COQ5: variants seen among roughly 807,000 people sequenced by gnomAD.
COQ5 encodes the protein coenzyme Q5, methyltransferase.
Under a neutral mutation model 40.5 loss-of-function variants are expected in COQ5, and 27 were observed. The ratio of observed to expected loss-of-function variants is 0.67; its 90% CI spans 0.49 to 0.92. The LOEUF (loss-of-function observed/expected upper bound fraction) is 0.92, where lower values mean the gene tolerates loss of function less well. COQ5 is among the 40% of genes least tolerant of loss of function. The pLI is 0.00. For missense variants in COQ5, 409 were observed against 406.4 expected (o/e 1.01, Z -0.06); for synonymous variants, 141 against 150.0 (o/e 0.94, Z 0.44).
In COQ5 at chr12:120,516,679, C is replaced by T. The variant is rs1869386184; in HGVS notation, c.462G>A (p.Glu154=). Residue 154 remains glutamate, a synonymous_variant, in exon 3 of 7, where the codon GAG becomes GAA. Transcript: ENST00000288532. ...CCAAGGAATCTTCTTCATTCTGGTA[C>T]TCTTTGGCAATTTCTTCCCAGGATA... is the stretch of plus-strand genomic sequence containing the variant. ...QNLSWEEIAK[E]YQNEEDSLGG... 1 of 1,614,164 alleles carries T rather than the reference C, an allele frequency of 6.2e-7. No individual in the cohort carries two copies. The highest frequency in any genetic ancestry group is 8.5e-7 in the Non-Finnish European group (1 of 1,180,010).
chr12:120,504,821 G>T, intron 5 of COQ5, 74 bp downstream of exon 5: 1 of 1,245,982 alleles, frequency 8.0e-7, no homozygotes, highest in Non-Finnish European at 1.2e-6. Flanking sequence ...TAGCTTACTG[G>T]CTATTTTCAA....
intron 3 of COQ5, among the ~76,000 whole-genome samples, chr12:120,513,246 G>A (rs889005081): frequency 6.8e-6 from 1 of 147,936 alleles, no homozygotes; most frequent in Non-Finnish European, 1.5e-5. Flanking sequence ...GCTCACACCT[G>A]TAATCCCAGC....
At chr12:120,528,846 G>T in intron 1 of COQ5, 94 bp downstream of exon 1, 2 of 1,143,218 alleles carry the variant, frequency 1.7e-6, no homozygotes, top group Non-Finnish European at 2.7e-6. Flanking sequence ...AACAACACTG[G>T]AACTAATTGG....
At chr12:120,527,961 T>C (rs932289442) in intron 1 of COQ5, among the ~76,000 whole-genome samples, 1 of 112,450 alleles carries the variant, frequency 8.9e-6, no homozygotes, top group Non-Finnish European at 1.7e-5. Context: ...CCTTCCAGCC[T>C]GGGGGTGACA....
Position 120,523,126 on chromosome 12 carries a change from C to T in COQ5, c.203-763G>A, listed in dbSNP as rs372128696. On this transcript the variant is annotated intron_variant, in intron 1 of 6. Transcript: ENST00000288532. ...GGCTGAGGCGGGCGGATCACGAGGTCAGGAGATCGAGACCATCCTGGCTAA... is the reference window on the plus strand; with the variant it reads ...GGCTGAGGCGGGCGGATCACGAGGTTAGGAGATCGAGACCATCCTGGCTAA... 69 of 292,718 alleles carry T rather than the reference C, an allele frequency of 2.4e-4. No homozygotes were observed. The East Asian group carries it at 3.0e-3, about 13-fold the overall frequency. The allele number at this position is 292,718 out of a possible 1,614,324, so 18.1% of individuals were successfully genotyped here.
chr12:120,510,992 C>T (rs1028003827), intron 3 of COQ5, among the ~76,000 whole-genome samples: 3 of 152,064 alleles, frequency 2.0e-5, no homozygotes, highest in Admixed American at 6.6e-5. Context: ...TACACCTGGC[C>T]AGGTGCGGTG....
intron 3 of COQ5, among the ~76,000 whole-genome samples, chr12:120,513,132 A>G (rs1403969744): frequency 6.6e-6 from 1 of 150,748 alleles, no homozygotes; most frequent in Non-Finnish European, 1.5e-5. Context: ...TCCTGCCCCT[A>G]AGATCTTCCA....
intron 3 of COQ5, among the ~76,000 whole-genome samples, chr12:120,515,743 G>C (rs887386587): frequency 6.6e-6 from 1 of 152,136 alleles, no homozygotes; most frequent in African/African-American, 2.4e-5. Flanking sequence ...GGCTGTTAAA[G>C]AGTCTTGCTT....
At chr12:120,511,212 G>A (rs965873811) in intron 3 of COQ5, among the ~76,000 whole-genome samples, 5 of 149,448 alleles carry the variant, frequency 3.3e-5, no homozygotes, top group Non-Finnish European at 5.9e-5. Flanking sequence ...AGCTGAGATC[G>A]CGCCACTGCA....
At position 120,516,684 on chromosome 12, in the gene COQ5, T is replaced by C. The variant is rs756080690; in HGVS notation, c.457A>G (p.Lys153Glu). ...GAATCTTCTTCATTCTGGTACTCTT[T>C]GGCAATTTCTTCCCAGGATAAATTT... ...QQNLSWEEIA[K>E]EYQNEEDSLG... The change falls in exon 3 of 7, where the codon AAA (lysine) becomes GAA (glutamate). Residue 153 changes from lysine to glutamate, a missense_variant. Coordinates refer to ENST00000288532, the MANE Select transcript of COQ5 (RefSeq NM_032314.4). The C allele has an allele frequency of 3.1e-6, 5 of 1,614,094 alleles. No homozygotes were observed. Among genetic ancestry groups the C allele is most frequent in the Middle Eastern group, 1.6e-4 (1 of 6,084 alleles).
intron 1 of COQ5, chr12:120,523,491 G>C: frequency 3.5e-6 from 1 of 284,818 alleles, no homozygotes; most frequent in South Asian, 3.8e-5. Context: ...CTGCTCCTAA[G>C]TCGTGGATGG....
chr12:120,509,773 A>G (rs147264691), intron 4 of COQ5: 4 of 434,786 alleles, frequency 9.2e-6, no homozygotes, highest in Non-Finnish European at 1.3e-5. Flanking sequence ...AAATCTATCT[A>G]TCTCTCTCTC....
chr12:120,523,195 G>A (rs530372601), intron 1 of COQ5, among the ~76,000 whole-genome samples: 36 of 152,184 alleles, frequency 2.4e-4, no homozygotes, highest in African/African-American at 7.7e-4. Context: ...AAAATTAGCC[G>A]GCATGGTGGT....
chr12:120,503,620 C>T lies in COQ5; in HGVS notation c.*164G>A, dbSNP rs1389212701. ...TCCAAAGAAAGCTGTAAAAAAGTGA[C>T]AAGAATTTGTTCTTCCACTTTGAGA... On this transcript the variant is annotated 3_prime_UTR_variant, in exon 7 of 7. Transcript: ENST00000288532. The T allele has an allele frequency of 1.4e-6, 1 of 705,698 alleles. No homozygotes were observed. The highest frequency in any genetic ancestry group is 2.7e-5 in the East Asian group (1 of 36,950). The allele number at this position is 705,698 out of a possible 1,614,324, so 43.7% of individuals were successfully genotyped here.
chr12:120,521,728 G>C (rs1869669487), intron 2 of COQ5, among the ~76,000 whole-genome samples: 1 of 151,514 alleles, frequency 6.6e-6, no homozygotes, highest in Non-Finnish European at 1.5e-5. Flanking sequence ...GCACCGGCCA[G>C]GTTCATGCCT....
intron 4 of COQ5, among the ~76,000 whole-genome samples, chr12:120,509,237 C>T (rs1359682266): frequency 1.3e-5 from 2 of 151,998 alleles, no homozygotes; most frequent in Non-Finnish European, 2.9e-5. Context: ...GGAATAAAGG[C>T]CAGGCATGGT....
chr12:120,526,532 C>T lies in COQ5; in HGVS notation c.202+2408G>A, dbSNP rs1417253036. ...AAGAAGTGATGCCAGCAAAAACTTT[C>T]ACATTAAAGGAGTTCTTGGAGGTAT... On this transcript the variant is annotated intron_variant, in intron 1 of 6. Coordinates refer to ENST00000288532, the MANE Select transcript of COQ5 (RefSeq NM_032314.4). The T allele has an allele frequency of 8.8e-6, 4 of 453,446 alleles. No homozygotes were observed. The Admixed American group carries it at 9.5e-5, about 11-fold the overall frequency. 28.1% of individuals were successfully genotyped at this position (453,446 alleles called of 1,614,324 possible).
chr12:120,522,856 C>A, intron 1 of COQ5: 1 of 708,548 alleles, frequency 1.4e-6, no homozygotes, highest in Admixed American at 2.0e-5. Flanking sequence ...CGGCTGACAC[C>A]CTTTGGGATC....
At chr12:120,510,648 C>T (rs1369838347) in intron 3 of COQ5, among the ~76,000 whole-genome samples, 2 of 152,124 alleles carry the variant, frequency 1.3e-5, no homozygotes, top group African/African-American at 2.4e-5. Flanking sequence ...TGTCTGTTTC[C>T]TCATCTGTAA....
Sources: allele counts gnomAD v4.1 joint callset (sites outside exome capture counted in the v4.1 genomes callset), GRCh38; gene constraint gnomAD v4.1.1; transcripts MANE v1.5; gene names NCBI Gene and HGNC (gene_info 2026-07-23, HGNC 2026-07-21).